Variants in HDAC4 observed in about 807,000 individuals in gnomAD.
HDAC4 encodes histone deacetylase 4, also known as histone deacetylase A.
HDAC4 carries 16 observed loss-of-function variants against 135.1 expected under a neutral mutation model. The ratio of observed to expected loss-of-function variants is 0.12; its 90% confidence interval spans 0.08 to 0.18. The LOEUF is 0.18. Among genes scored for constraint, HDAC4 ranks in the 10% least tolerant of loss-of-function variants. The pLI is 1.00. For missense variants in HDAC4, 1,143 were observed against 1,511.8 expected, an observed-to-expected ratio of 0.76 and a Z score of 4.05; for synonymous variants, 685 against 653.4, an observed-to-expected ratio of 1.05 and a Z score of -0.74.
chr2:239,251,015 A>C (rs2048757172), intron 2 of HDAC4, among the ~76,000 whole-genome samples: 1 of 152,198 alleles, frequency 6.6e-6, no homozygotes, highest in Non-Finnish European at 1.5e-5. Context: ...GTCTGGAAAG[A>C]GACTCGTCAG....
intron 3 of HDAC4, among the ~76,000 whole-genome samples, chr2:239,230,982 C>A (rs775502131): frequency 2.0e-5 from 3 of 152,232 alleles, no homozygotes; most frequent in Non-Finnish European, 1.5e-5. Context: ...TCTGGAAATA[C>A]AGCTCCTTTG....
rs184434365 is a variant in HDAC4 at position 239,092,078 on chromosome 2, A to G, written c.2281-1962T>C. Among the ~76,000 whole-genome samples, 1,117 of 151,878 alleles carry G rather than the reference A, an allele frequency of 7.4e-3. 8 individuals are homozygous for G. Among genetic ancestry groups the G allele is most frequent in the Non-Finnish European group, 0.01 (681 of 67,918 alleles). ...AGAGCCAGACTCCGTCTCAAAAACA[A>G]ACAAACAAAAATTAGCCAGATGTGG... On this transcript the variant is annotated intron_variant, in intron 17 of 26. Transcript: ENST00000543185.
At chr2:239,165,692 G>A (rs2043085267) in intron 5 of HDAC4, among the ~76,000 whole-genome samples, 1 of 152,224 alleles carries the variant, frequency 6.6e-6, no homozygotes, top group South Asian at 2.1e-4. Context: ...CAGTTACCAA[G>A]TCTCATGGAC....
At chr2:239,180,706 C>T (rs2044093153) in intron 4 of HDAC4, among the ~76,000 whole-genome samples, 1 of 152,238 alleles carries the variant, frequency 6.6e-6, no homozygotes, top group South Asian at 2.1e-4. Context: ...GCAAAATGAA[C>T]ATGATTGCCC....
intron 2 of HDAC4, among the ~76,000 whole-genome samples, chr2:239,311,085 G>A (rs1228896454): frequency 1.3e-5 from 2 of 152,234 alleles, no homozygotes; most frequent in African/African-American, 4.8e-5. Context: ...TTTCATTCCA[G>A]CATTAACAGG....
intron 2 of HDAC4, among the ~76,000 whole-genome samples, chr2:239,332,529 C>A (rs1224516913): frequency 6.6e-6 from 1 of 150,630 alleles, no homozygotes; most frequent in Non-Finnish European, 1.5e-5. Flanking sequence ...TATTCTAAAC[C>A]AAATTATAAT....
At chr2:239,248,871 T>A (rs1240714472) in intron 2 of HDAC4, among the ~76,000 whole-genome samples, 1 of 152,210 alleles carries the variant, frequency 6.6e-6, no homozygotes, top group Non-Finnish European at 1.5e-5. Context: ...CAACATCCCA[T>A]CACTGGCTCA....
chr2:239,063,205 TTTG>T (rs2033017688), intron 24 of HDAC4, among the ~76,000 whole-genome samples: 1 of 147,022 alleles, frequency 6.8e-6, no homozygotes, highest in African/African-American at 2.7e-5. Flanking sequence ...GCAGTCTTTT[TTTG>T]TTTTTTTTTT....
At chr2:239,363,213 G>A (rs1392077025) in intron 1 of HDAC4, among the ~76,000 whole-genome samples, 3 of 152,202 alleles carry the variant, frequency 2.0e-5, no homozygotes, top group African/African-American at 7.2e-5. Context: ...ATGAGATTCC[G>A]ATGTCAATGT....
At chr2:239,266,747 G>T (rs1559304320) in intron 2 of HDAC4, among the ~76,000 whole-genome samples, 1 of 152,126 alleles carries the variant, frequency 6.6e-6, no homozygotes, top group African/African-American at 2.4e-5. Flanking sequence ...TAGCCCAAAG[G>T]GGACTGTGAG....
chr2:239,164,081 G>A (rs1190419041), intron 5 of HDAC4, among the ~76,000 whole-genome samples, 158 bp from the exon 6 acceptor site: 1 of 152,152 alleles, frequency 6.6e-6, no homozygotes, highest in South Asian at 2.1e-4. Context: ...AACCAAGGCC[G>A]GGAGGGGTTT....
chr2:239,269,051 C>T (rs2049904655), intron 2 of HDAC4, among the ~76,000 whole-genome samples: 1 of 152,118 alleles, frequency 6.6e-6, no homozygotes, highest in Non-Finnish European at 1.5e-5. Context: ...ATTAGAAGAC[C>T]CTCTTACTGT....
chr2:239,230,473 G>C (rs2047487589), intron 3 of HDAC4, among the ~76,000 whole-genome samples: 1 of 151,696 alleles, frequency 6.6e-6, no homozygotes, highest in Non-Finnish European at 1.5e-5. Flanking sequence ...CGAGTCCGTG[G>C]GCCGGAGGGC....
rs1267004221 is a variant in HDAC4 at position 239,245,190 on chromosome 2, T to C, written c.23-8526A>G. On this transcript the variant is annotated intron_variant, in intron 2 of 26. Transcript: ENST00000543185. This position sits in a 1 kb window ranked among gnomAD's most constrained non-coding sequence, Gnocchi z 4.4. ...AAAATGTCAAGGATAACCTAAGAAG[T>C]ATTCCTGTTGTCTCTCCACTAAGAA... is the stretch of plus-strand genomic sequence containing the variant. 6.6e-6 allele frequency among the ~76,000 whole-genome samples: 1 copy of C among 152,186 alleles called. No individual in the cohort carries two copies. Among genetic ancestry groups the C allele is most frequent in the Non-Finnish European group, 1.5e-5 (1 of 68,036 alleles).
In HDAC4 at chr2:239,068,901, T is replaced by C; in HGVS notation, c.2751-294A>G. ...TGCAAGCCAGCAAGCCCCACTGCAC[T>C]TGCTTGGTGAGAGGGAGTCACGGTG... On this transcript the variant is annotated intron_variant, in intron 22 of 26. Coordinates refer to ENST00000543185, the MANE Select transcript of HDAC4 (RefSeq NM_001378414.1). The surrounding 1 kb of genome is among the most constrained non-coding windows in gnomAD (Gnocchi z 4.4). 2.9e-6 allele frequency: 1 copy of C among 347,314 alleles called. No individual in the cohort carries two copies. Among genetic ancestry groups the C allele is most frequent in the Non-Finnish European group, 5.6e-6 (1 of 178,784 alleles). 21.5% of individuals were successfully genotyped at this position (347,314 alleles called of 1,614,324 possible). A position where few individuals can be genotyped will look rare whatever the true frequency, so the allele number is the denominator to read the frequency against.
intron 7 of HDAC4, among the ~76,000 whole-genome samples, chr2:239,149,595 G>A (rs1352468162): frequency 1.3e-5 from 2 of 152,140 alleles, no homozygotes; most frequent in Admixed American, 6.5e-5. Context: ...CGTGCCCTGC[G>A]TGGCTCCAGA....
rs773542153 is a variant in HDAC4, at chr2:239,053,062, C to G, written c.*35G>C. On this transcript the variant is annotated 3_prime_UTR_variant, in exon 27 of 27. Coordinates refer to ENST00000543185, the MANE Select transcript of HDAC4 (RefSeq NM_001378414.1). ...TCTTGGCTGAGCTTCAAGACAGAGA[C>G]AGACAGACAAGAGAACAGCAGCTTC... 1.9e-6 allele frequency: 3 copies of G among 1,612,124 alleles called. No homozygotes were observed. Among genetic ancestry groups the G allele is most frequent in the Admixed American group, 3.3e-5 (2 of 59,822 alleles).
rs911810481 is a variant in HDAC4 at position 239,349,835 on chromosome 2, T to C, written c.22+2843A>G. Among the ~76,000 whole-genome samples, 5 of 152,222 alleles carry C rather than the reference T, an allele frequency of 3.3e-5. No homozygotes were observed. The highest frequency in any genetic ancestry group is 7.3e-5 in the Non-Finnish European group (5 of 68,030). ...ACCTCAGCTGTACCCCCTGCACAGA[T>C]GGAGAGCAGAGAATGGGCTGGGCCA... is the stretch of plus-strand genomic sequence containing the variant. On this transcript the variant is annotated intron_variant, in intron 2 of 26. Coordinates refer to ENST00000543185, the MANE Select transcript of HDAC4 (RefSeq NM_001378414.1). This position sits in a 1 kb window ranked among gnomAD's most constrained non-coding sequence, Gnocchi z 5.7.
rs1186219604 is a variant in HDAC4, at chr2:239,051,339, T to TCTGA, written c.*1754_*1757dup. The TCTGA allele has an allele frequency of 6.6e-6, 1 of 152,080 alleles. No homozygotes were observed. Among genetic ancestry groups the TCTGA allele is most frequent in the Non-Finnish European group, 1.5e-5 (1 of 67,994 alleles). The allele number at this position is 152,080 out of a possible 1,614,324, so 9.4% of individuals were successfully genotyped here. On this transcript the variant is annotated 3_prime_UTR_variant, in exon 27 of 27. Coordinates refer to ENST00000543185, the MANE Select transcript of HDAC4 (RefSeq NM_001378414.1). ...CTCCTCTCACTTTCTGAAAATAGAA[T>TCTGA]CTGACAGCAACAATTCTGTACGCTG...
Sources: allele counts gnomAD v4.1 joint callset (sites outside exome capture counted in the v4.1 genomes callset), GRCh38; gene constraint gnomAD v4.1.1; non-coding constraint Gnocchi (gnomAD v3.1); transcripts MANE v1.5; gene names NCBI Gene and HGNC (gene_info 2026-07-23, HGNC 2026-07-21).